TRPM3: variants seen among roughly 807,000 people sequenced by gnomAD.
TRPM3 encodes the protein long transient receptor potential channel 3.
In TRPM3, 77 loss-of-function variants were observed where a neutral mutation model predicts 181.2. The observed-to-expected ratio is 0.42, with a 90% CI of 0.35 to 0.51. The LOEUF (loss-of-function observed/expected upper bound fraction) is 0.51. TRPM3 is among the 20% of genes least tolerant of loss of function. The probability of loss-of-function intolerance (pLI) is 0.01; values close to 1 mark genes in which losing one functional copy is unlikely to be tolerated. For missense variants in TRPM3, 1,759 were observed against 2,196.7 expected (o/e 0.80, Z 3.98); for synonymous variants, 745 against 796.4 (o/e 0.94, Z 1.09).
At chr9:71,444,977 T>C (rs988382741) in intron 1 of TRPM3, among the ~76,000 whole-genome samples, 1 of 152,226 alleles carries the variant, frequency 6.6e-6, no homozygotes, top group African/African-American at 2.4e-5. Context: ...AATGTTTCAA[T>C]TAACAAGTAC....
At chr9:70,796,403 C>T (rs1451829820) in intron 6 of TRPM3, among the ~76,000 whole-genome samples, 2 of 152,088 alleles carry the variant, frequency 1.3e-5, no homozygotes, top group Non-Finnish European at 2.9e-5. Context: ...GTCTTTGTAC[C>T]TACTGAAAGA....
intron 1 of TRPM3, among the ~76,000 whole-genome samples, chr9:71,112,939 T>C (rs1438279432): frequency 6.6e-6 from 1 of 152,040 alleles, no homozygotes; most frequent in African/African-American, 2.4e-5. Context: ...AAATAAGTCA[T>C]GCAAAAAACT....
intron 1 of TRPM3, among the ~76,000 whole-genome samples, chr9:70,925,620 C>A (rs547015441): frequency 1.6e-4 from 25 of 152,114 alleles, no homozygotes; most frequent in Admixed American, 1.4e-3. Context: ...AGCTCCAATG[C>A]AGCTTTCTTA....
chr9:70,749,820 T>C (rs1021382186), intron 8 of TRPM3, among the ~76,000 whole-genome samples: 8 of 152,208 alleles, frequency 5.3e-5, no homozygotes, highest in African/African-American at 1.9e-4. Flanking sequence ...TTCACCTTTA[T>C]GGAAAAAGAA....
At chr9:70,965,116 T>C (rs575364216) in intron 1 of TRPM3, among the ~76,000 whole-genome samples, 8 of 152,050 alleles carry the variant, frequency 5.3e-5, no homozygotes, top group Non-Finnish European at 1.2e-4. Context: ...AATTATCCTT[T>C]TTTTTATTTA....
At chr9:70,770,698 G>A (rs1361451832) in intron 7 of TRPM3, among the ~76,000 whole-genome samples, 1 of 152,138 alleles carries the variant, frequency 6.6e-6, no homozygotes, top group Non-Finnish European at 1.5e-5. Flanking sequence ...GTTAAATAAG[G>A]GTAGTATATG....
intron 22 of TRPM3, among the ~76,000 whole-genome samples, chr9:70,590,610 C>G (rs1339996720): frequency 6.6e-6 from 1 of 152,134 alleles, no homozygotes; most frequent in Non-Finnish European, 1.5e-5. Context: ...TGAAATCGAG[C>G]ATTGTTTATT....
chr9:70,841,987 GT>G (rs2094698606), intron 5 of TRPM3, among the ~76,000 whole-genome samples: 1 of 151,884 alleles, frequency 6.6e-6, no homozygotes. Context: ...CACTATTCAG[GT>G]GATGGGTACA....
chr9:71,192,274 G>A (rs1428335497), intron 1 of TRPM3, among the ~76,000 whole-genome samples: 2 of 151,748 alleles, frequency 1.3e-5, no homozygotes, highest in African/African-American at 4.8e-5. Flanking sequence ...GAGTTTGAAT[G>A]AATACAAGAG....
chr9:70,887,028 T>C (rs2096098388), intron 1 of TRPM3, among the ~76,000 whole-genome samples: 1 of 152,192 alleles, frequency 6.6e-6, no homozygotes, highest in African/African-American at 2.4e-5. Context: ...AAACATATGA[T>C]GAGTCAAAAG....
At chr9:71,376,557 T>C (rs191260774) in intron 1 of TRPM3, among the ~76,000 whole-genome samples, 2 of 152,126 alleles carry the variant, frequency 1.3e-5, no homozygotes, top group East Asian at 3.9e-4. Flanking sequence ...TCCAATTTGT[T>C]AGGAATAGGT....
At chr9:71,140,359 T>G (rs1220840201) in intron 1 of TRPM3, among the ~76,000 whole-genome samples, 3 of 152,112 alleles carry the variant, frequency 2.0e-5, no homozygotes, top group East Asian at 3.9e-4. Flanking sequence ...ATATCTCCGG[T>G]GTTTTAAATT....
chr9:70,763,935 G>T (rs1040121703), intron 7 of TRPM3, among the ~76,000 whole-genome samples: 1 of 152,162 alleles, frequency 6.6e-6, no homozygotes, highest in Non-Finnish European at 1.5e-5. Context: ...GGTTGGTAGG[G>T]TTGGGTAAGA....
At chr9:71,040,965 C>T (rs997869027) in intron 1 of TRPM3, among the ~76,000 whole-genome samples, 2 of 152,070 alleles carry the variant, frequency 1.3e-5, no homozygotes, top group Admixed American at 6.6e-5. Context: ...ACGGAGGGGA[C>T]GTGACGACTG....
rs187368026 is a variant in TRPM3 at position 70,759,217 on chromosome 9, C to A, written c.1272+2384G>T. Among the ~76,000 whole-genome samples, 218 of 152,222 alleles carry A rather than the reference C, an allele frequency of 1.4e-3. 2 individuals are homozygous for A. The highest frequency in any genetic ancestry group is 3.4e-3 in the Middle Eastern group (1 of 294). ...AAAAGAAGACACTTAACGCAGCTAA[C>A]AAACATATGGAAAAAAGCTCATCAT... On this transcript the variant is annotated intron_variant, in intron 8 of 25. Coordinates refer to ENST00000677713, the MANE Select transcript of TRPM3 (RefSeq NM_001366145.2).
Position 71,018,858 on chromosome 9 carries a change from A to G in TRPM3, c.177+102320T>C, listed in dbSNP as rs545800272. 2.0e-5 allele frequency among the ~76,000 whole-genome samples: 3 copies of G among 152,050 alleles called. No individual in the cohort carries two copies. The South Asian group carries it at 6.2e-4, about 31-fold the overall frequency. On this transcript the variant is annotated intron_variant, in intron 1 of 25. Coordinates refer to ENST00000677713, the MANE Select transcript of TRPM3 (RefSeq NM_001366145.2). ...TTATGAGAAGATAAATCACAAGCCA[A>G]TATCTTAAAATCTTAGGTAAAATAT...
chr9:71,369,456 G>T (rs916781719), intron 1 of TRPM3, among the ~76,000 whole-genome samples: 2 of 152,146 alleles, frequency 1.3e-5, no homozygotes, highest in South Asian at 4.1e-4. Flanking sequence ...CCTATATCTA[G>T]GTGTGTAGTA....
In TRPM3 at chr9:70,537,417, A is replaced by G. The variant is rs1402190351; in HGVS notation, c.3708-12T>C. On this transcript the variant is annotated splice_polypyrimidine_tract_variant and intron_variant, in intron 25 of 25. Transcript: ENST00000677713. ...ACATGTTCTCCACCCTGCGCGAGGAAGAGAGAATGAGAGTCACTCGGCCTG... is the reference window on the plus strand; with the variant it reads ...ACATGTTCTCCACCCTGCGCGAGGAGGAGAGAATGAGAGTCACTCGGCCTG... 1 of 1,432,992 alleles carries G rather than the reference A, an allele frequency of 7.0e-7. No homozygotes were observed. 88.8% of individuals were successfully genotyped at this position (1,432,992 alleles called of 1,614,324 possible).
chr9:70,970,043 A>G (rs2097225893), intron 1 of TRPM3, among the ~76,000 whole-genome samples: 1 of 152,070 alleles, frequency 6.6e-6, no homozygotes. Context: ...AAAGAACAAG[A>G]ACTTTATCAT....
Sources: gnomAD v4.1 joint callset for allele counts (sites outside exome capture counted in the v4.1 genomes callset) on GRCh38, gnomAD v4.1.1 for gene constraint, MANE v1.5 for transcripts, NCBI Gene and HGNC (gene_info 2026-07-23, HGNC 2026-07-21) for gene names.